Variants in COA1 observed in about 807,000 individuals in gnomAD.
The protein encoded by COA1 is cytochrome c oxidase assembly factor 1 homolog.
COA1 carries 13 observed loss-of-function variants against 16.0 expected under a neutral mutation model. The ratio of observed to expected loss-of-function variants is 0.81; its 90% CI spans 0.53 to 1.29. The LOEUF is 1.29. Ranked by LOEUF, COA1 falls within the 50% of genes most tolerant of loss-of-function variation. The probability of loss-of-function intolerance (pLI) is 0.00; values close to 1 mark genes in which losing one functional copy is unlikely to be tolerated. For missense variants in COA1, 179 were observed against 177.0 expected (o/e 1.01, Z -0.06); for synonymous variants, 65 against 65.7 (o/e 0.99, Z 0.05).
intron 1 of COA1, among the ~76,000 whole-genome samples, chr7:43,689,140 C>A (rs943832629): frequency 6.6e-6 from 1 of 152,202 alleles, no homozygotes; most frequent in Non-Finnish European, 1.5e-5. Flanking sequence ...TAATAGCATC[C>A]TAACTGAGCT....
chr7:43,677,144 C>T (rs2093562712), intron 1 of COA1, among the ~76,000 whole-genome samples: 1 of 152,096 alleles, frequency 6.6e-6, no homozygotes, highest in Non-Finnish European at 1.5e-5. Flanking sequence ...TCAGATTTCT[C>T]ATGTTGAATA....
intron 6 of COA1, chr7:43,623,595 C>A: frequency 6.2e-7 from 1 of 1,610,308 alleles, no homozygotes; most frequent in South Asian, 1.1e-5. Flanking sequence ...TAGTTATGAT[C>A]CTATAAGCAT....
At chr7:43,646,525 A>G (rs1254720830) in intron 3 of COA1, 1 of 456,084 alleles carries the variant, frequency 2.2e-6, no homozygotes, top group African/African-American at 2.0e-5. Flanking sequence ...CCGAGATTCA[A>G]CCATTCAACC....
intron 1 of COA1, among the ~76,000 whole-genome samples, chr7:43,667,351 A>G (rs1321709151): frequency 6.6e-6 from 1 of 152,230 alleles, no homozygotes; most frequent in African/African-American, 2.4e-5. Context: ...TGACATGTTT[A>G]GTCACATGAG....
At chr7:43,691,377 G>GAGGAAGGGAGGAAGGA (rs2094330104) in intron 1 of COA1, among the ~76,000 whole-genome samples, 1 of 30,816 alleles carries the variant, frequency 3.2e-5, no homozygotes, top group Non-Finnish European at 5.9e-5. Flanking sequence ...GGGAGGGAGG[G>GAGGAAGGGAGGAAGGA]AGGAAGGAAG....
chr7:43,686,584 G>A (rs998797184), intron 1 of COA1, among the ~76,000 whole-genome samples: 5 of 152,164 alleles, frequency 3.3e-5, no homozygotes, highest in African/African-American at 4.8e-5. Context: ...GTGAGCCACC[G>A]CGCCCGGCCG....
intron 1 of COA1, among the ~76,000 whole-genome samples, chr7:43,686,237 G>A (rs958185399): frequency 7.3e-5 from 11 of 150,950 alleles, no homozygotes; most frequent in African/African-American, 2.4e-4. Context: ...ACTCTCTTCT[G>A]TTAAGACTTC....
chr7:43,698,793 T>C (rs1219091958), intron 1 of COA1, among the ~76,000 whole-genome samples: 4 of 152,236 alleles, frequency 2.6e-5, no homozygotes, highest in African/African-American at 9.6e-5. Context: ...TAAAAGTCCA[T>C]TATCAGTTCT....
In COA1 at chr7:43,623,460, C is replaced by T. The variant is rs1002067033; in HGVS notation, c.*134-13965G>A. 1.4e-5 allele frequency: 11 copies of T among 813,584 alleles called. No individual in the cohort carries two copies. The African/African-American group carries it at 1.9e-4, about 14-fold the overall frequency. The allele number at this position is 813,584 out of a possible 1,614,324, so 50.4% of individuals were successfully genotyped here. The stretch of plus-strand genomic sequence containing the variant: ...ATTTATGGTAACCTTTCATTTTAGC[C>T]CAAACGTTGGATAGTGCCTTATAGT... On this transcript the variant is annotated intron_variant and NMD_transcript_variant, in intron 6 of 6. Coordinates refer to the COA1 transcript ENST00000415076.
chr7:43,651,438 C>G (rs1177120495), intron 1 of COA1, among the ~76,000 whole-genome samples: 1 of 152,082 alleles, frequency 6.6e-6, no homozygotes, highest in Non-Finnish European at 1.5e-5. Context: ...AAACCTTTTC[C>G]AAAGTACTAA....
intron 1 of COA1, among the ~76,000 whole-genome samples, chr7:43,702,708 G>T (rs896193952): frequency 6.6e-6 from 1 of 152,066 alleles, no homozygotes; most frequent in Non-Finnish European, 1.5e-5. Flanking sequence ...TGGTGGTAAC[G>T]TCACCTTTGT....
chr7:43,702,664 A>C (rs2131432046), intron 1 of COA1, among the ~76,000 whole-genome samples: 1 of 152,190 alleles, frequency 6.6e-6, no homozygotes, highest in East Asian at 1.9e-4. Flanking sequence ...GGTGTTCATA[A>C]TAGTCTCTGA....
chr7:43,638,312 A>C (rs931132959), downstream of COA1, among the ~76,000 whole-genome samples: 2 of 152,000 alleles, frequency 1.3e-5, no homozygotes, highest in Admixed American at 6.6e-5. Context: ...CATTGTAGAC[A>C]ACCACAATGG....
intron 4 of COA1, chr7:43,641,974 CGGGGCA>C (rs1357014755): frequency 6.6e-6 from 1 of 152,086 alleles, no homozygotes; most frequent in African/African-American, 2.4e-5. Context: ...AGATACCTCC[CGGGGCA>C]GGGGCAGGGG....
rs940243979 is a variant in COA1, at chr7:43,729,462, C to A, written c.-72G>T. 1 of 152,292 alleles carries A rather than the reference C, an allele frequency of 6.6e-6. No individual in the cohort carries two copies. The highest frequency in any genetic ancestry group is 1.5e-5 in the Non-Finnish European group (1 of 68,086). 9.4% of individuals were successfully genotyped at this position (152,292 alleles called of 1,614,324 possible). The stretch of plus-strand genomic sequence containing the variant: ...AACAGAAGCACCACGCTACAAAGAG[C>A]ATGACGAGTTCTTCCAGGCTTGGGA... On this transcript the variant is annotated 5_prime_UTR_variant, in exon 1 of 6. It removes an upstream start codon present in the reference 5' UTR. Coordinates refer to ENST00000223336, the MANE Select transcript of COA1 (RefSeq NM_018224.4).
Position 43,643,239 on chromosome 7 carries a change from TCA to T in COA1, c.264+2010_264+2011del, listed in dbSNP as rs1478825937. On this transcript the variant is annotated intron_variant, in intron 4 of 5. Transcript: ENST00000223336. Reference sequence around the variant, plus strand: ...AAACCACCATGGCCTTACCCTACTCTCACTGGGGTTCCTGGAGCACCAGATCA... The same window carrying T: ...AAACCACCATGGCCTTACCCTACTCTCTGGGGTTCCTGGAGCACCAGATCA... 1.3e-3 allele frequency among the ~76,000 whole-genome samples: 191 copies of T among 152,176 alleles called. 1 individual carries two copies. Among genetic ancestry groups the T allele is most frequent in the African/African-American group, 4.5e-3 (188 of 41,532 alleles).
At chr7:43,696,657 C>T (rs1377529699) in intron 1 of COA1, among the ~76,000 whole-genome samples, 1 of 151,420 alleles carries the variant, frequency 6.6e-6, no homozygotes, top group African/African-American at 2.4e-5. Context: ...TAGGCTACAT[C>T]CATATATAAT....
intron 4 of COA1, among the ~76,000 whole-genome samples, chr7:43,642,613 G>T (rs963174679): frequency 2.0e-5 from 3 of 152,188 alleles, no homozygotes; most frequent in Non-Finnish European, 4.4e-5. Flanking sequence ...ATGGGCAGAA[G>T]CAAGAAGGAT....
In COA1 at chr7:43,664,519, T is replaced by C. The variant is rs193189127; in HGVS notation, c.-38-15867A>G. ...TTTATTTCCTGACCTGTGTGGCGATTACAGAAGCATGTTCACCTTGTAGTA... is the reference window on the plus strand; with the variant it reads ...TTTATTTCCTGACCTGTGTGGCGATCACAGAAGCATGTTCACCTTGTAGTA... On this transcript the variant is annotated intron_variant, in intron 1 of 5. Transcript: ENST00000223336. 7.7e-4 allele frequency among the ~76,000 whole-genome samples: 118 copies of C among 152,316 alleles called. 1 individual carries two copies. Among genetic ancestry groups the C allele is most frequent in the Non-Finnish European group, 5.0e-4 (34 of 68,028 alleles).
Sources: allele counts gnomAD v4.1 joint callset (sites outside exome capture counted in the v4.1 genomes callset), GRCh38; gene constraint gnomAD v4.1.1; transcripts MANE v1.5; gene names NCBI Gene and HGNC (gene_info 2026-07-23, HGNC 2026-07-21).